The following RNF115 variants were observed in gnomAD, a reference collection of about 807,000 sequenced individuals.
The protein encoded by RNF115 is E3 ubiquitin-protein ligase RNF115.
A neutral mutation model predicts 39.2 loss-of-function variants in RNF115; 31 were observed. That is an observed-to-expected ratio of 0.79 (90% CI 0.59 to 1.07). The LOEUF (loss-of-function observed/expected upper bound fraction) is 1.07, where lower values mean the gene tolerates loss of function less well. RNF115 is among the 50% of genes least tolerant of loss of function. RNF115 has a pLI of 0.00. For missense variants in RNF115, 384 were observed against 381.7 expected, an observed-to-expected ratio of 1.01 and a Z score of -0.05; for synonymous variants, 124 against 131.0, an observed-to-expected ratio of 0.95 and a Z score of 0.37.
chr1:145,782,506 A>G (rs1365284706), intron 3 of RNF115, among the ~76,000 whole-genome samples: 1 of 152,226 alleles, frequency 6.6e-6, no homozygotes, highest in African/African-American at 2.4e-5. Flanking sequence ...CCCTGGCAAC[A>G]TCTAAAGAAC....
chr1:145,767,421 C>G (rs587677828), intron 4 of RNF115, among the ~76,000 whole-genome samples: 2 of 151,630 alleles, frequency 1.3e-5, no homozygotes, highest in African/African-American at 4.8e-5. Flanking sequence ...GATGGGCGGC[C>G]GGGCAGAGAC....
intron 2 of RNF115, among the ~76,000 whole-genome samples, chr1:145,786,160 T>C (rs1235284699): frequency 6.6e-6 from 1 of 152,172 alleles, no homozygotes; most frequent in East Asian, 1.9e-4. Flanking sequence ...GAGCTAATCA[T>C]AGAGAAGGGA....
chr1:145,784,716 CACA>C, intron 2 of RNF115, 120 bp from the exon 3 acceptor site: 1 of 736,648 alleles, frequency 1.4e-6, no homozygotes, highest in Non-Finnish European at 2.4e-6. Flanking sequence ...CTCATCCCAA[CACA>C]ACACCTATTA....
At position 145,767,993 on chromosome 1, in the gene RNF115, G is replaced by GGGGAGAGGGAGA. The variant is rs145331041; in HGVS notation, c.428+3706_428+3717dup. Among the ~76,000 whole-genome samples the GGGGAGAGGGAGA allele has an allele frequency of 4.8e-4, 73 of 150,852 alleles. 1 individual carries two copies. The highest frequency in any genetic ancestry group is 4.5e-3 in the Admixed American group (69 of 15,234). ...GGCAAGAGAGGGAGAGGGAGACCGT[G>GGGGAGAGGGAGA]GGGAGAGGGAGAGGGAGAGGGAGAG... is the stretch of plus-strand genomic sequence containing the variant. On this transcript the variant is annotated intron_variant, in intron 4 of 8. Transcript: ENST00000582693.
At chr1:145,795,049 C>T (rs1406043923) in intron 1 of RNF115, among the ~76,000 whole-genome samples, 3 of 150,334 alleles carry the variant, frequency 2.0e-5, no homozygotes, top group African/African-American at 7.3e-5. Flanking sequence ...ATAGTGTGTC[C>T]GGAGTTTGTT....
In RNF115 at chr1:145,764,353, G is replaced by A. The variant is rs1247739279; in HGVS notation, c.428+7358C>T. 9.7e-4 allele frequency among the ~76,000 whole-genome samples: 148 copies of A among 152,264 alleles called. 1 individual carries two copies. Among genetic ancestry groups the A allele is most frequent in the Non-Finnish European group, 4.6e-4 (31 of 68,014 alleles). ...GCCGACACCCCGTCTGGGAAGTGAG[G>A]AGCGTCTCTGCCCGGCCGCCATCCC... On this transcript the variant is annotated intron_variant, in intron 4 of 8. Transcript: ENST00000582693.
chr1:145,823,453 G>A (rs587649630), intron 1 of RNF115, among the ~76,000 whole-genome samples: 2 of 149,076 alleles, frequency 1.3e-5, no homozygotes, highest in East Asian at 4.0e-4. Flanking sequence ...AAAAGACCAG[G>A]TATAAAAGAA....
chr1:145,798,202 C>T (rs1172982662), intron 1 of RNF115, among the ~76,000 whole-genome samples: 1 of 152,134 alleles, frequency 6.6e-6, no homozygotes, highest in African/African-American at 2.4e-5. Context: ...GTGTCATATG[C>T]CAGAAATCAC....
intron 1 of RNF115, among the ~76,000 whole-genome samples, chr1:145,800,674 G>A (rs1439737114): frequency 6.6e-6 from 1 of 152,154 alleles, no homozygotes; most frequent in Non-Finnish European, 1.5e-5. Context: ...ATCCAGCCTA[G>A]GGCAGAGTCT....
chr1:145,789,045 A>T, intron 1 of RNF115, 79 bp from the exon 2 acceptor site: 1 of 874,162 alleles, frequency 1.1e-6, no homozygotes, highest in Non-Finnish European at 1.9e-6. Flanking sequence ...AATAACATGC[A>T]GTATACAAGC....
intron 3 of RNF115, among the ~76,000 whole-genome samples, chr1:145,782,718 A>G (rs1553717601): frequency 6.6e-6 from 1 of 152,270 alleles, no homozygotes; most frequent in Non-Finnish European, 1.5e-5. Flanking sequence ...AAAAGAGAAC[A>G]CTAAAGAAAA....
intron 4 of RNF115, among the ~76,000 whole-genome samples, chr1:145,754,011 G>A (rs1658199130): frequency 6.6e-6 from 1 of 151,854 alleles, no homozygotes; most frequent in South Asian, 2.1e-4. Context: ...GCCCAGCAAT[G>A]ATATGCAATT....
intron 1 of RNF115, among the ~76,000 whole-genome samples, chr1:145,818,751 CA>C (rs1162667726): frequency 1.5e-4 from 22 of 149,708 alleles, no homozygotes. Flanking sequence ...AAAACAAGAA[CA>C]AACCAACCCC....
At chr1:145,771,955 A>T in intron 3 of RNF115, 36 bp from the exon 4 acceptor site, 1 of 1,541,666 alleles carries the variant, frequency 6.5e-7, no homozygotes, top group Non-Finnish European at 8.9e-7. Context: ...ATGTTAGAAA[A>T]ATCAATCAAT....
rs1282552240 is a variant in RNF115 at position 145,745,977 on chromosome 1, A to G, written c.*889T>C. On this transcript the variant is annotated 3_prime_UTR_variant, in exon 9 of 9. Transcript: ENST00000582693. ...CGCAGTGGCTCACGCCTGTAATCCC[A>G]GCACTTTGGGAGGCTGAGGCAGGCG... 6.6e-6 allele frequency: 1 copy of G among 151,710 alleles called. No individual in the cohort carries two copies. Among genetic ancestry groups the G allele is most frequent in the African/African-American group, 2.4e-5 (1 of 41,390 alleles). The allele number at this position is 151,710 out of a possible 1,614,324, so 9.4% of individuals were successfully genotyped here.
intron 4 of RNF115, among the ~76,000 whole-genome samples, chr1:145,759,715 A>G (rs1413986928): frequency 6.6e-6 from 1 of 152,124 alleles, no homozygotes; most frequent in Non-Finnish European, 1.5e-5. Flanking sequence ...AATGACACCT[A>G]ACTCTCCATT....
chr1:145,791,405 G>C (rs1435770217), intron 1 of RNF115, among the ~76,000 whole-genome samples: 1 of 150,366 alleles, frequency 6.7e-6, no homozygotes, highest in South Asian at 2.1e-4. Flanking sequence ...CCAGCTACTC[G>C]AGAGGCTAAG....
At chr1:145,783,132 C>T (rs1343760963) in intron 3 of RNF115, among the ~76,000 whole-genome samples, 1 of 152,054 alleles carries the variant, frequency 6.6e-6, no homozygotes, top group Non-Finnish European at 1.5e-5. Context: ...CAAAGTGTTG[C>T]GATTACAGGC....
intron 4 of RNF115, among the ~76,000 whole-genome samples, chr1:145,762,937 A>G (rs1402437919): frequency 6.6e-6 from 1 of 152,228 alleles, no homozygotes; most frequent in Non-Finnish European, 1.5e-5. Flanking sequence ...TCTCACTTAT[A>G]CATGGGAACT....
Sources: gnomAD v4.1 joint callset for allele counts (sites outside exome capture counted in the v4.1 genomes callset) on GRCh38, gnomAD v4.1.1 for gene constraint, MANE v1.5 for transcripts, NCBI Gene and HGNC (gene_info 2026-07-23, HGNC 2026-07-21) for gene names.